Variants in NOL10 observed in about 807,000 individuals in gnomAD.
The protein encoded by NOL10 is H_NH0074G24.1.
NOL10 carries 58 observed loss-of-function variants against 103.5 expected under a neutral mutation model. The observed-to-expected ratio is 0.56, with a 90% CI of 0.45 to 0.70. NOL10 has a LOEUF of 0.70. NOL10 is among the 30% of genes least tolerant of loss of function. The pLI, the probability that NOL10 is intolerant of heterozygous loss-of-function variation, is 0.00. For missense variants in NOL10, 763 were observed against 807.3 expected (o/e 0.95, Z 0.67); for synonymous variants, 287 against 282.5 (o/e 1.02, Z -0.16).
chr2:10,640,202 C>T (rs930107782), intron 13 of NOL10, among the ~76,000 whole-genome samples: 6 of 152,178 alleles, frequency 3.9e-5, no homozygotes, highest in Non-Finnish European at 7.3e-5. Flanking sequence ...TTCTATAGGC[C>T]TCAAATGAAC....
chr2:10,643,916 A>G (rs917946953), intron 13 of NOL10, among the ~76,000 whole-genome samples: 25 of 152,216 alleles, frequency 1.6e-4, no homozygotes, highest in African/African-American at 5.8e-4. Flanking sequence ...TAATGTACAC[A>G]GCCACATGTA....
chr2:10,611,997 T>C (rs1676596895), intron 13 of NOL10, among the ~76,000 whole-genome samples: 2 of 152,054 alleles, frequency 1.3e-5, no homozygotes, highest in South Asian at 4.2e-4. Flanking sequence ...CATGTACCTG[T>C]AGTCCCAAAT....
At chr2:10,576,590 C>A (rs12996735) in intron 20 of NOL10, among the ~76,000 whole-genome samples, 41,509 of 152,146 alleles carry the variant, frequency 0.27, 7,130 homozygotes, top group Non-Finnish European at 0.38. Flanking sequence ...AAACATTATG[C>A]TCAGTGAAAG....
In NOL10 at chr2:10,603,499, T is replaced by C. The variant is rs375232842; in HGVS notation, c.1154-342A>G. The stretch of plus-strand genomic sequence containing the variant: ...AATAATACTGGGGATCAACAGTAAG[T>C]TGCCAAATTGAAATGAGGAGAAGGG... On this transcript the variant is annotated intron_variant, in intron 14 of 20. Coordinates refer to ENST00000381685, the MANE Select transcript of NOL10 (RefSeq NM_024894.4). 1.2e-3 allele frequency among the ~76,000 whole-genome samples: 181 copies of C among 152,178 alleles called. 1 individual carries two copies. The highest frequency in any genetic ancestry group is 4.0e-3 in the African/African-American group (166 of 41,512).
Position 10,589,625 on chromosome 2 carries a change from T to C in NOL10, c.1549A>G (p.Arg517Gly), listed in dbSNP as rs1572245626. 1.9e-6 allele frequency: 3 copies of C among 1,589,880 alleles called. No individual in the cohort carries two copies. Among genetic ancestry groups the C allele is most frequent in the Admixed American group, 1.8e-5 (1 of 54,928 alleles). Residue 517 changes from arginine to glycine, a missense_variant, in exon 18 of 21, where the codon AGG (arginine) becomes GGG (glycine). Arg to Gly is a moderately radical substitution (Grantham distance 125). Coordinates refer to ENST00000381685, the MANE Select transcript of NOL10 (RefSeq NM_024894.4). ...TCTAAGAGTCTTAGTTTCTTCTTCCTTTTTTCACTAATTTTTGAAACAAGT... is the reference window on the plus strand; with the variant it reads ...TCTAAGAGTCTTAGTTTCTTCTTCCCTTTTTCACTAATTTTTGAAACAAGT... ...NPLVSKISEK[R>G]KKKLRLLEQQ...
intron 13 of NOL10, among the ~76,000 whole-genome samples, chr2:10,614,735 T>C (rs1676747059): frequency 6.6e-6 from 1 of 152,116 alleles, no homozygotes; most frequent in South Asian, 2.1e-4. Flanking sequence ...GATGATGGAG[T>C]TGTACTATAA....
In NOL10 at chr2:10,654,561, G is replaced by A. The variant is rs1404839676; in HGVS notation, c.907-14C>T. 7.0e-6 allele frequency: 11 copies of A among 1,569,904 alleles called. No individual in the cohort carries two copies. The highest frequency in any genetic ancestry group is 9.5e-6 in the Non-Finnish European group (11 of 1,157,628). Reference sequence around the variant, plus strand: ...AAATATTTTTCCCTAAAAATAGCAAGCAAAAACGAAGTATTAAAAGTTAAA... The same window carrying A: ...AAATATTTTTCCCTAAAAATAGCAAACAAAAACGAAGTATTAAAAGTTAAA... On this transcript the variant is annotated splice_polypyrimidine_tract_variant and intron_variant, in intron 11 of 20. Coordinates refer to ENST00000381685, the MANE Select transcript of NOL10 (RefSeq NM_024894.4).
At chr2:10,640,290 C>G (rs2148272009) in intron 13 of NOL10, among the ~76,000 whole-genome samples, 1 of 152,282 alleles carries the variant, frequency 6.6e-6, no homozygotes, top group Middle Eastern at 3.4e-3. Context: ...CTGGGCTCTC[C>G]CTTTGCTTTG....
intron 17 of NOL10, among the ~76,000 whole-genome samples, chr2:10,591,782 C>A (rs930720510): frequency 6.6e-6 from 1 of 151,896 alleles, no homozygotes; most frequent in African/African-American, 2.4e-5. Flanking sequence ...GGTGGGAGGA[C>A]TGCTTGAGGC....
At chr2:10,635,229 T>C (rs1678122162) in intron 13 of NOL10, among the ~76,000 whole-genome samples, 2 of 152,224 alleles carry the variant, frequency 1.3e-5, no homozygotes, top group African/African-American at 4.8e-5. Context: ...TGTTTGGATT[T>C]TCCACTTGTG....
rs1682024872 is a variant in NOL10 at position 10,684,631 on chromosome 2, A to C, written c.67-19T>G. On this transcript the variant is annotated intron_variant, in intron 1 of 20. Transcript: ENST00000381685. ...AAAGCCACTTAAAGAAAATGAAGAG[A>C]GTTTATTTTAAAACAAATTTAGCTA... 1 of 1,544,904 alleles carries C rather than the reference A, an allele frequency of 6.5e-7. No homozygotes were observed. The highest frequency in any genetic ancestry group is 8.8e-7 in the Non-Finnish European group (1 of 1,141,750).
At chr2:10,609,431 C>CAAAAAAAA (rs60104799) in intron 13 of NOL10, among the ~76,000 whole-genome samples, 92 of 111,522 alleles carry the variant, frequency 8.2e-4, no homozygotes, top group East Asian at 5.1e-3. Flanking sequence ...ACTAAAAATA[C>CAAAAAAAA]AAAAAAAAAA....
intron 13 of NOL10, among the ~76,000 whole-genome samples, chr2:10,618,445 G>A (rs1381495314): frequency 2.0e-5 from 3 of 152,102 alleles, no homozygotes; most frequent in African/African-American, 4.8e-5. Context: ...AACCTTTCTG[G>A]CGAGAATCAC....
At chr2:10,677,181 T>C (rs1681365343) in intron 3 of NOL10, among the ~76,000 whole-genome samples, 1 of 151,982 alleles carries the variant, frequency 6.6e-6, no homozygotes, top group Admixed American at 6.6e-5. Flanking sequence ...TCAGGTGATC[T>C]GCCTGTCTCC....
chr2:10,607,660 A>G (rs904939970), intron 13 of NOL10, among the ~76,000 whole-genome samples: 3 of 151,902 alleles, frequency 2.0e-5, no homozygotes, highest in Non-Finnish European at 4.4e-5. Context: ...ATACTACTAG[A>G]ATTCTACAAA....
chr2:10,676,899 A>G (rs1431719041), intron 3 of NOL10, among the ~76,000 whole-genome samples: 1 of 151,402 alleles, frequency 6.6e-6, no homozygotes, highest in Non-Finnish European at 1.5e-5. Context: ...TGGCCTCCCA[A>G]AGTGCTGGGA....
At chr2:10,662,162 C>T (rs568969444) in intron 9 of NOL10, among the ~76,000 whole-genome samples, 10 of 152,116 alleles carry the variant, frequency 6.6e-5, no homozygotes, top group Non-Finnish European at 1.5e-4. Context: ...AAAATAAATA[C>T]AATAACAGTG....
intron 13 of NOL10, among the ~76,000 whole-genome samples, chr2:10,627,251 T>A (rs1677529782): frequency 6.6e-6 from 1 of 152,226 alleles, no homozygotes; most frequent in Admixed American, 6.5e-5. Context: ...TTTTTCCCCA[T>A]AAAATTAGGT....
intron 16 of NOL10, among the ~76,000 whole-genome samples, chr2:10,602,415 A>C (rs1676025487): frequency 6.6e-6 from 1 of 152,242 alleles, no homozygotes; most frequent in African/African-American, 2.4e-5. Flanking sequence ...AACAGAGCCT[A>C]AGATACGGCC....
Sources: gnomAD v4.1 joint callset for allele counts (sites outside exome capture counted in the v4.1 genomes callset) on GRCh38, gnomAD v4.1.1 for gene constraint, MANE v1.5 for transcripts, NCBI Gene and HGNC (gene_info 2026-07-23, HGNC 2026-07-21) for gene names.